Variants in TSPAN11 observed in about 807,000 individuals in gnomAD.
The protein encoded by TSPAN11 is tetraspanin 11.
Under a neutral mutation model 32.9 loss-of-function variants are expected in TSPAN11, and 29 were observed. The observed-to-expected ratio is 0.88, with a 90% confidence interval of 0.66 to 1.20. The LOEUF (loss-of-function observed/expected upper bound fraction) is 1.20, where lower values mean the gene tolerates loss of function less well. Ranked by LOEUF, TSPAN11 falls within the 50% of genes most tolerant of loss-of-function variation. The pLI is 0.00. For synonymous variants in TSPAN11, 140 were observed against 141.3 expected, an observed-to-expected ratio of 0.99 and a Z score of 0.07; for missense variants, 283 against 329.1, an observed-to-expected ratio of 0.86 and a Z score of 1.08.
chr12:30,971,197 C>T (rs930938415), intron 3 of TSPAN11, among the ~76,000 whole-genome samples: 3 of 152,220 alleles, frequency 2.0e-5, no homozygotes, highest in African/African-American at 7.2e-5. Context: ...GGAAGCTTCA[C>T]AAACCCTATC....
At chr12:30,965,093 C>T (rs1938701360) in intron 3 of TSPAN11, among the ~76,000 whole-genome samples, 1 of 152,236 alleles carries the variant, frequency 6.6e-6, no homozygotes, top group Non-Finnish European at 1.5e-5. Context: ...GATGAAGGCA[C>T]GTGACGTGAC....
chr12:30,966,870 A>G (rs1938745261), intron 3 of TSPAN11, among the ~76,000 whole-genome samples: 1 of 152,216 alleles, frequency 6.6e-6, no homozygotes, highest in Admixed American at 6.5e-5. Context: ...CGTTGCTCCC[A>G]TTATAGTAAG....
chr12:30,978,562 A>AT lies in TSPAN11; in HGVS notation c.281dup (p.Cys95LeufsTer10). 6.2e-7 allele frequency: 1 copy of AT among 1,614,148 alleles called. No homozygotes were observed. The highest frequency in any genetic ancestry group is 1.7e-5 in the Admixed American group (1 of 60,022). ...ACCGTCCTCTCTCTTTGCTGCTAGT[A>AT]TTTCTGCCTGTTGCTCGTCATCTTC... On this transcript the variant is annotated frameshift_variant and splice_region_variant, in exon 4 of 8. Transcript: ENST00000546076. LOFTEE classifies it high-confidence loss of function.
rs199541805 is a variant in TSPAN11, at chr12:30,959,795, A to C, written c.85-4031A>C. On this transcript the variant is annotated intron_variant, in intron 2 of 7. Transcript: ENST00000546076. ...ACTCTGTCTCAAAAAAAAAAAAAAA[A>C]AAAACCGAGGTGTGGGGGGAAGAAA... 5.1e-4 allele frequency among the ~76,000 whole-genome samples: 73 copies of C among 143,256 alleles called. 1 individual carries two copies. The highest frequency in any genetic ancestry group is 8.4e-4 in the African/African-American group (32 of 38,030). 94.0% of individuals were successfully genotyped at this position (143,256 alleles called of 152,430 possible).
chr12:30,933,488 G>T (rs1222868112), intron 1 of TSPAN11, among the ~76,000 whole-genome samples: 2 of 152,020 alleles, frequency 1.3e-5, no homozygotes, highest in Admixed American at 1.3e-4. Flanking sequence ...CCCCCTTCCA[G>T]CTCCTTCCTC....
chr12:30,982,572 A>G lies in TSPAN11; in HGVS notation c.497A>G (p.His166Arg), dbSNP rs768743564. The change falls in exon 6 of 8, where the codon CAC becomes CGC. Residue 166 changes from histidine (H) to arginine (R), a missense_variant. His to Arg is a conservative substitution (Grantham distance 29, BLOSUM62 0). Coordinates refer to ENST00000546076, the MANE Select transcript of TSPAN11 (RefSeq NM_001370302.1). Reference protein sequence around the residue: ...CGSNSSADWQHSTYILLREAE... With the variant: ...CGSNSSADWQRSTYILLREAE... ...AGCAACAGCTCAGCCGACTGGCAGC[A>G]CAGCACGTACATCCTGTTGCGGGAG... The G allele has an allele frequency of 6.2e-7, 1 of 1,612,682 alleles. No individual in the cohort carries two copies. Among genetic ancestry groups the G allele is most frequent in the Non-Finnish European group, 8.5e-7 (1 of 1,179,412 alleles).
chr12:31,002,171 T>C, the TSPAN11 span, among the ~76,000 whole-genome samples: 1 of 152,100 alleles, frequency 6.6e-6, no homozygotes, highest in Non-Finnish European at 1.5e-5. This position sits in a 1 kb window ranked among gnomAD's most constrained non-coding sequence, Gnocchi z 4.8. Context: ...GAGGGTCCCT[T>C]CAGACACAGA....
downstream of TSPAN11, among the ~76,000 whole-genome samples, chr12:30,999,907 C>T (rs904544894): frequency 1.4e-4 from 22 of 152,074 alleles, no homozygotes; most frequent in Admixed American, 6.6e-4. Context: ...GGTCTGTCCC[C>T]GCTGGCTCTC....
intron 1 of TSPAN11, among the ~76,000 whole-genome samples, chr12:30,928,979 A>C (rs1937859689): frequency 6.6e-6 from 1 of 152,196 alleles, no homozygotes; most frequent in Admixed American, 6.5e-5. Context: ...TTGTTTGTGA[A>C]TGAGTGAGTG....
intron 2 of TSPAN11, among the ~76,000 whole-genome samples, chr12:30,959,638 G>C (rs1233799169): frequency 6.6e-6 from 1 of 152,078 alleles, no homozygotes; most frequent in Non-Finnish European, 1.5e-5. Flanking sequence ...AAATTAGCCA[G>C]GCGTGGTGGC....
rs1938952114 is a variant in TSPAN11 at position 30,975,555 on chromosome 12, C to T, written c.277-3006C>T. On this transcript the variant is annotated intron_variant, in intron 3 of 7. Transcript: ENST00000546076. The surrounding 1 kb of genome is among the most constrained non-coding windows in gnomAD (Gnocchi z 4.5). ...CGCAGGTCAGATAGCCTGTTTGATG[C>T]CTCTGAACCAGCCTGTGCAGGGGTA... Among the ~76,000 whole-genome samples, 1 of 152,168 alleles carries T rather than the reference C, an allele frequency of 6.6e-6. No homozygotes were observed. The highest frequency in any genetic ancestry group is 2.1e-4 in the South Asian group (1 of 4,824).
the TSPAN11 span, among the ~76,000 whole-genome samples, chr12:31,012,954 G>A: frequency 6.6e-6 from 1 of 152,178 alleles, no homozygotes; most frequent in Non-Finnish European, 1.5e-5. Context: ...ACATCTGAGG[G>A]TGTCTGTGTG....
chr12:30,956,507 G>T (rs910682909), intron 2 of TSPAN11, among the ~76,000 whole-genome samples: 1 of 152,072 alleles, frequency 6.6e-6, no homozygotes, highest in Non-Finnish European at 1.5e-5. Flanking sequence ...ACTTCAGGTG[G>T]CAATCCTTCC....
chr12:30,957,657 C>T (rs1938512960), intron 2 of TSPAN11, among the ~76,000 whole-genome samples: 1 of 115,814 alleles, frequency 8.6e-6, no homozygotes, highest in African/African-American at 3.0e-5. Context: ...CCCTCCCTTC[C>T]TCCCTTGCTT....
At chr12:30,969,168 T>C (rs1938797641) in intron 3 of TSPAN11, among the ~76,000 whole-genome samples, 1 of 152,222 alleles carries the variant, frequency 6.6e-6, no homozygotes, top group African/African-American at 2.4e-5. Flanking sequence ...CCCAGGGCCC[T>C]GCAGCCTGAG....
chr12:30,931,690 G>A (rs372347460), intron 1 of TSPAN11, among the ~76,000 whole-genome samples: 13 of 151,994 alleles, frequency 8.6e-5, no homozygotes, highest in African/African-American at 3.1e-4. Context: ...GACCAGCCTG[G>A]CCAACATGGT....
At chr12:31,004,309 G>A in the TSPAN11 span, among the ~76,000 whole-genome samples, 1 of 152,172 alleles carries the variant, frequency 6.6e-6, no homozygotes, top group Admixed American at 6.5e-5. Flanking sequence ...CATGACTCCA[G>A]CTCTTTCTTC....
At chr12:31,010,838 C>G in the TSPAN11 span, among the ~76,000 whole-genome samples, 1 of 152,014 alleles carries the variant, frequency 6.6e-6, no homozygotes, top group Admixed American at 6.5e-5. Flanking sequence ...CAGGCCCTCC[C>G]TCCACTCCTC....
At chr12:30,952,799 G>T (rs975477193) in intron 1 of TSPAN11, among the ~76,000 whole-genome samples, 1 of 152,172 alleles carries the variant, frequency 6.6e-6, no homozygotes. Flanking sequence ...TGAACAGGAC[G>T]ACTGGCTGAT....
Sources: allele counts gnomAD v4.1 joint callset (sites outside exome capture counted in the v4.1 genomes callset), GRCh38; gene constraint gnomAD v4.1.1; non-coding constraint Gnocchi (gnomAD v3.1); transcripts MANE v1.5; gene names NCBI Gene and HGNC (gene_info 2026-07-23, HGNC 2026-07-21).